CAV1: variants seen among roughly 807,000 people sequenced by gnomAD.
The protein encoded by CAV1 is caveolin 1.
In CAV1, 10 loss-of-function variants were observed where a neutral mutation model predicts 16.5. The observed-to-expected ratio is 0.61, with a 90% CI of 0.37 to 1.03. The LOEUF (loss-of-function observed/expected upper bound fraction) is 1.03, where lower values mean the gene tolerates loss of function less well. CAV1 is among the 50% of genes least tolerant of loss of function. The probability of loss-of-function intolerance (pLI) is 0.01; values close to 1 mark genes in which losing one functional copy is unlikely to be tolerated. For synonymous variants in CAV1, 76 were observed against 85.1 expected (o/e 0.89, Z 0.59); for missense variants, 212 against 232.8 (o/e 0.91, Z 0.58).
chr7:116,531,379 G>T (rs1334622438), intron 2 of CAV1, among the ~76,000 whole-genome samples: 1 of 152,114 alleles, frequency 6.6e-6, no homozygotes, highest in Non-Finnish European at 1.5e-5. Context: ...TCTTAAATAT[G>T]CACAGACACA....
intron 2 of CAV1, among the ~76,000 whole-genome samples, chr7:116,529,424 A>C (rs1793638412): frequency 6.6e-6 from 1 of 152,208 alleles, no homozygotes; most frequent in Admixed American, 6.5e-5. Flanking sequence ...TTCCTTAGTC[A>C]CACTAGCCAC....
chr7:116,559,248 AT>A lies in CAV1; in HGVS notation c.500del (p.Phe167SerfsTer14). The A allele has an allele frequency of 6.2e-7, 1 of 1,613,892 alleles. No homozygotes were observed. The highest frequency in any genetic ancestry group is 8.5e-7 in the Non-Finnish European group (1 of 1,179,796). On this transcript the variant is annotated frameshift_variant, in exon 3 of 3. Coordinates refer to ENST00000341049, the MANE Select transcript of CAV1 (RefSeq NM_001753.5). LOFTEE classifies it high-confidence loss of function. ...CACTCTTTGAAGCTGTTGGGAAAATATTCAGCAATGTCCGCATCAACTTGCA... is the reference window on the plus strand; with the variant it reads ...CACTCTTTGAAGCTGTTGGGAAAATATCAGCAATGTCCGCATCAACTTGCA... ...DPLFEAVGKI[F>X]SNVRINLQKE...
Position 116,525,049 on chromosome 7 carries a change from AGCCACGG to A in CAV1, c.-9_-3del. On this transcript the variant is annotated 5_prime_UTR_variant, in exon 1 of 3. Transcript: ENST00000341049. Reference sequence around the variant, plus strand: ...GGAAACCTCCTCACAGTTTTCATCCAGCCACGGGCCAGCATGTCTGGGGGCAAATACG... The same window carrying A: ...GGAAACCTCCTCACAGTTTTCATCCAGCCAGCATGTCTGGGGGCAAATACG... The A allele has an allele frequency of 6.2e-7, 1 of 1,614,140 alleles. No homozygotes were observed. The highest frequency in any genetic ancestry group is 8.5e-7 in the Non-Finnish European group (1 of 1,180,006).
At chr7:116,548,339 C>T (rs1794094862) in intron 2 of CAV1, among the ~76,000 whole-genome samples, 1 of 152,208 alleles carries the variant, frequency 6.6e-6, no homozygotes, top group African/African-American at 2.4e-5. Flanking sequence ...CATGACAACA[C>T]AGTGAGGACT....
chr7:116,546,079 G>T (rs879835540), intron 2 of CAV1, among the ~76,000 whole-genome samples: 3 of 152,132 alleles, frequency 2.0e-5, no homozygotes, highest in Non-Finnish European at 2.9e-5. Flanking sequence ...CTCTGTTCAA[G>T]TTCGCTAACT....
chr7:116,545,602 G>A (rs915331703), intron 2 of CAV1, among the ~76,000 whole-genome samples: 3 of 152,198 alleles, frequency 2.0e-5, no homozygotes, highest in African/African-American at 7.2e-5. Flanking sequence ...AAAGCTATTA[G>A]TAACCCTAGT....
chr7:116,533,348 TAAATAAAATA>T (rs763800018), intron 2 of CAV1, among the ~76,000 whole-genome samples: 3,247 of 137,530 alleles, frequency 0.024, 142 homozygotes, highest in African/African-American at 0.069. Context: ...AAAAATAAAA[TAAATAAAATA>T]AAATAAAATA....
chr7:116,538,766 T>C (rs1229075416), intron 2 of CAV1, among the ~76,000 whole-genome samples: 1 of 151,174 alleles, frequency 6.6e-6, no homozygotes, highest in Non-Finnish European at 1.5e-5. Context: ...AAAAAAGAGG[T>C]TTAATGGACT....
Position 116,526,656 on chromosome 7 carries a change from C to G in CAV1, c.162C>G (p.Arg54=). The stretch of plus-strand genomic sequence containing the variant: ...CCAAGGAGATCGACCTGGTCAACCG[C>G]GACCCTAAACACCTCAACGATGACG... ...AHTKEIDLVN[R]DPKHLNDDVV... is the part of the protein sequence containing the mutation. The change falls in exon 2 of 3, where the codon CGC becomes CGG. Residue 54 remains arginine, a synonymous_variant. Transcript: ENST00000341049. 1 of 1,614,162 alleles carries G rather than the reference C, an allele frequency of 6.2e-7. No individual in the cohort carries two copies. Among genetic ancestry groups the G allele is most frequent in the South Asian group, 1.1e-5 (1 of 91,080 alleles).
intron 2 of CAV1, among the ~76,000 whole-genome samples, chr7:116,536,249 G>A (rs1793811233): frequency 6.6e-6 from 1 of 152,120 alleles, no homozygotes; most frequent in African/African-American, 2.4e-5. Flanking sequence ...GGACTGGGCT[G>A]CGATATCTCA....
rs77735289 is a variant in CAV1, at chr7:116,525,835, G to T, written c.31-690G>T. ...GACTGAGTTCTAGGACATTTAGGGG[G>T]TCTGGTGCCTGGCTCCGCCAAAAAT... On this transcript the variant is annotated intron_variant, in intron 1 of 2. Coordinates refer to ENST00000341049, the MANE Select transcript of CAV1 (RefSeq NM_001753.5). The T allele has an allele frequency of 2.6e-3, 2,615 of 1,001,910 alleles. 54 individuals are homozygous for T. The African/African-American group carries it at 0.043, about 16-fold the overall frequency. 62.1% of individuals were successfully genotyped at this position (1,001,910 alleles called of 1,614,324 possible). A position where few individuals can be genotyped will look rare whatever the true frequency, so the allele number is the denominator to read the frequency against.
At chr7:116,526,293 A>G in intron 1 of CAV1, 1 of 1,329,298 alleles carries the variant, frequency 7.5e-7, no homozygotes, top group Non-Finnish European at 9.7e-7. Context: ...CGCGCCCTGC[A>G]GAGTACAGAG....
At position 116,559,204 on chromosome 7, in the gene CAV1, G is replaced by A. The variant is rs201317624; in HGVS notation, c.454G>A (p.Val152Ile). The change falls in exon 3 of 3, where the codon GTC becomes ATC. Residue 152 changes from valine (V) to isoleucine (I), a missense_variant. By Grantham distance (29) the Val-to-Ile change is conservative. Coordinates refer to ENST00000341049, the MANE Select transcript of CAV1 (RefSeq NM_001753.5). ...QCISRVYSIY[V>I]HTVCDPLFEA... Reference sequence around the variant, plus strand: ...CATCAGCCGTGTCTATTCCATCTACGTCCACACCGTCTGTGACCCACTCTT... The same window carrying A: ...CATCAGCCGTGTCTATTCCATCTACATCCACACCGTCTGTGACCCACTCTT... 19 of 1,613,760 alleles carry A rather than the reference G, an allele frequency of 1.2e-5. No homozygotes were observed. Among genetic ancestry groups the A allele is most frequent in the East Asian group, 2.2e-5 (1 of 44,882 alleles).
rs568923511 is a variant in CAV1, at chr7:116,559,465, A to G, written c.*178A>G. On this transcript the variant is annotated 3_prime_UTR_variant, in exon 3 of 3. Transcript: ENST00000341049. ...TATTATGTCTCTTCTGAGCTATTTC[A>G]TCTATTTTTGGCAGTCTGAATTTTT... 101 of 613,856 alleles carry G rather than the reference A, an allele frequency of 1.6e-4. No homozygotes were observed. The African/African-American group carries it at 1.7e-3, about 10-fold the overall frequency. 38.0% of individuals were successfully genotyped at this position (613,856 alleles called of 1,614,324 possible).
At chr7:116,525,307 G>C in intron 1 of CAV1, 1 of 1,550,590 alleles carries the variant, frequency 6.4e-7, no homozygotes, top group Non-Finnish European at 8.7e-7. Context: ...AGGGGGCCTA[G>C]GGAGCCCCTG....
chr7:116,539,970 G>A (rs549941521), intron 2 of CAV1, among the ~76,000 whole-genome samples: 1 of 152,296 alleles, frequency 6.6e-6, no homozygotes, highest in East Asian at 1.9e-4. Flanking sequence ...ACTATGGCAA[G>A]ATTGAGAGGA....
intron 2 of CAV1, among the ~76,000 whole-genome samples, chr7:116,543,936 T>A (rs1179027709): frequency 6.6e-6 from 1 of 152,196 alleles, no homozygotes; most frequent in Non-Finnish European, 1.5e-5. Context: ...TACCTAGCTG[T>A]AAAGAGTTTG....
chr7:116,557,811 C>A (rs981489503), intron 2 of CAV1, among the ~76,000 whole-genome samples: 2 of 152,048 alleles, frequency 1.3e-5, no homozygotes, highest in East Asian at 1.9e-4. Context: ...CCTCCTTCTC[C>A]CAGTGTGCAT....
chr7:116,547,023 A>G (rs1478495661), intron 2 of CAV1, among the ~76,000 whole-genome samples: 1 of 152,200 alleles, frequency 6.6e-6, no homozygotes, highest in African/African-American at 2.4e-5. Context: ...TTGCAGCTAC[A>G]TAACTCCACT....
Sources: gnomAD v4.1 joint callset for allele counts (sites outside exome capture counted in the v4.1 genomes callset) on GRCh38, gnomAD v4.1.1 for gene constraint, MANE v1.5 for transcripts, NCBI Gene and HGNC (gene_info 2026-07-23, HGNC 2026-07-21) for gene names.